Variants in KLF8 observed in about 807,000 individuals in gnomAD.
KLF8 encodes Krueppel-like factor 8.
KLF8 carries 10 observed loss-of-function variants against 18.2 expected under a neutral mutation model. The observed-to-expected ratio is 0.55, with a 90% confidence interval of 0.34 to 0.93. KLF8 has a LOEUF of 0.93. Among genes scored for constraint, KLF8 ranks in the 40% least tolerant of loss-of-function variants. KLF8 has a pLI of 0.02. For missense variants in KLF8, 264 were observed against 277.9 expected, an observed-to-expected ratio of 0.95 and a Z score of 0.36; for synonymous variants, 109 against 97.3, an observed-to-expected ratio of 1.12 and a Z score of -0.71.
At chrX:55,967,539 A>G in the KLF8 span, among the ~76,000 whole-genome samples, 11 of 110,898 alleles carry the variant, frequency 9.9e-5, no homozygotes, top group African/African-American at 2.9e-4. Flanking sequence ...TGAAGGAGAT[A>G]TAAAGACTGT....
chrX:56,146,712 T>TA, the KLF8 span, among the ~76,000 whole-genome samples: 854 of 99,042 alleles, frequency 8.6e-3, 7 homozygotes, highest in Admixed American at 0.018. Context: ...TAAAGTATAA[T>TA]AAAAAAAAAA....
At chrX:55,986,583 C>T in the KLF8 span, among the ~76,000 whole-genome samples, 1 of 112,189 alleles carries the variant, frequency 8.9e-6, no homozygotes. Context: ...TCATTCTTCT[C>T]TGTGAGTGCT....
chrX:56,020,083 G>A, the KLF8 span, among the ~76,000 whole-genome samples: 32 of 111,915 alleles, frequency 2.9e-4, no homozygotes, highest in Admixed American at 2.9e-3. Context: ...AAAGTTAGGT[G>A]GAAGGCACAA....
the KLF8 span, among the ~76,000 whole-genome samples, chrX:55,928,470 C>T: frequency 1.8e-5 from 2 of 110,969 alleles, no homozygotes; most frequent in Non-Finnish European, 3.8e-5. Flanking sequence ...CCCATCAACC[C>T]GTCATCTACA....
the KLF8 span, among the ~76,000 whole-genome samples, chrX:55,922,006 C>A: frequency 8.9e-6 from 1 of 112,280 alleles, no homozygotes; most frequent in Non-Finnish European, 1.9e-5. Flanking sequence ...AATGCTTTTA[C>A]ACTGTTGGTG....
Position 56,291,230 on chromosome X carries a change from C to T in KLF8, c.*6736C>T, listed in dbSNP as rs1206430550. Among the ~76,000 whole-genome samples, 1 of 111,566 alleles carries T rather than the reference C, an allele frequency of 9.0e-6. No homozygotes were observed. Among genetic ancestry groups the T allele is most frequent in the African/African-American group, 3.3e-5 (1 of 30,692 alleles). ...AGTCTCTGTAACTCTTATGTTTGTG[C>T]CCCATTATTTTAGTGCTTTAGAGCA... is the stretch of plus-strand genomic sequence containing the variant. On this transcript the variant is annotated 3_prime_UTR_variant, in exon 6 of 6. Transcript: ENST00000468660.
chrX:56,223,682 A>G, the KLF8 span, among the ~76,000 whole-genome samples: 4 of 112,368 alleles, frequency 3.6e-5, no homozygotes, highest in Admixed American at 3.8e-4. Flanking sequence ...ACACAAATAC[A>G]TAACATACCT....
the KLF8 span, among the ~76,000 whole-genome samples, chrX:55,953,498 T>G: frequency 2.2e-4 from 24 of 110,678 alleles, no homozygotes; most frequent in Admixed American, 3.9e-4. Context: ...AAATAAATAT[T>G]TGAATACAAA....
chrX:56,234,336 C>T (rs935068817), intron 1 of KLF8, among the ~76,000 whole-genome samples: 1 of 111,732 alleles, frequency 8.9e-6, no homozygotes, highest in Non-Finnish European at 1.9e-5. Context: ...CTGGGCCTTG[C>T]TTTTCTCTTC....
chrX:56,197,819 C>A, the KLF8 span, among the ~76,000 whole-genome samples: 1 of 111,922 alleles, frequency 8.9e-6, no homozygotes, highest in African/African-American at 3.2e-5. Context: ...CCCTGATGAA[C>A]ATCGATGCAA....
intron 5 of KLF8, among the ~76,000 whole-genome samples, chrX:56,274,611 C>T (rs1035946116): frequency 9.8e-5 from 11 of 111,928 alleles, no homozygotes; most frequent in Non-Finnish European, 1.9e-4. Flanking sequence ...TGGAGACTTT[C>T]CCCAATATTT....
At chrX:55,962,308 C>T in the KLF8 span, 2 of 185,345 alleles carry the variant, frequency 1.1e-5, no homozygotes, top group Non-Finnish European at 2.2e-5. Context: ...TCTGGCAACA[C>T]ATAACTGACA....
At chrX:56,161,933 T>A in the KLF8 span, among the ~76,000 whole-genome samples, 1 of 111,755 alleles carries the variant, frequency 8.9e-6, no homozygotes, top group Non-Finnish European at 1.9e-5. Context: ...GATGGTGACA[T>A]ACAGATGGGG....
chrX:55,980,073 A>T, the KLF8 span, among the ~76,000 whole-genome samples: 1 of 112,088 alleles, frequency 8.9e-6, no homozygotes, highest in Admixed American at 9.5e-5. Flanking sequence ...AAGTGACTGC[A>T]GGCCAGAAAG....
At chrX:55,922,463 G>C in the KLF8 span, among the ~76,000 whole-genome samples, 1 of 112,200 alleles carries the variant, frequency 8.9e-6, no homozygotes, top group African/African-American at 3.2e-5. Flanking sequence ...ACCTGTCAGG[G>C]GGACAGCAGG....
chrX:55,939,020 T>C, the KLF8 span, among the ~76,000 whole-genome samples: 1 of 111,719 alleles, frequency 9.0e-6, no homozygotes, highest in African/African-American at 3.3e-5. Flanking sequence ...CTGCACCAAG[T>C]GGACCTAATA....
At chrX:56,116,312 T>C in the KLF8 span, among the ~76,000 whole-genome samples, 2 of 112,134 alleles carry the variant, frequency 1.8e-5, no homozygotes, top group East Asian at 5.6e-4. Context: ...ATATAGTATT[T>C]ATGAGAGAGA....
chrX:56,129,481 G>A, the KLF8 span, among the ~76,000 whole-genome samples: 2 of 111,363 alleles, frequency 1.8e-5, no homozygotes. Flanking sequence ...AGAGCTGAGC[G>A]AAATACAGGG....
At chrX:55,996,219 A>G in the KLF8 span, among the ~76,000 whole-genome samples, 3 of 111,664 alleles carry the variant, frequency 2.7e-5, no homozygotes, top group Non-Finnish European at 5.6e-5. Context: ...TCTCAGATCA[A>G]TTTGATTCTT....
Sources: gnomAD v4.1 joint callset for allele counts (sites outside exome capture counted in the v4.1 genomes callset) on GRCh38, gnomAD v4.1.1 for gene constraint, MANE v1.5 for transcripts, NCBI Gene and HGNC (gene_info 2026-07-23, HGNC 2026-07-21) for gene names.